PVT1: variants seen among roughly 807,000 people sequenced by gnomAD.
PVT1 encodes the protein CXCR4/PVT1 fusion.
At chr8:128,014,688 G>A (rs949246135) in intron 4 of PVT1, among the ~76,000 whole-genome samples, 3 of 152,214 alleles carry the variant, frequency 2.0e-5, no homozygotes, top group Admixed American at 6.5e-5. Flanking sequence ...AGCTTTGAGA[G>A]TGCTTAGTGA....
chr8:127,970,500 C>T (rs548582630), intron 3 of PVT1, among the ~76,000 whole-genome samples: 8 of 151,918 alleles, frequency 5.3e-5, no homozygotes, highest in South Asian at 4.2e-4. Context: ...AGGGTTTCAC[C>T]GTGTTAGCCA....
At chr8:127,964,102 G>A (rs1192413685) in intron 3 of PVT1, among the ~76,000 whole-genome samples, 1 of 152,206 alleles carries the variant, frequency 6.6e-6, no homozygotes, top group Non-Finnish European at 1.5e-5. Flanking sequence ...ACCCCCAGGA[G>A]CGTCCTTCCA....
chr8:128,040,936 G>A (rs111162833), intron 4 of PVT1, among the ~76,000 whole-genome samples: 4,124 of 150,910 alleles, frequency 0.027, 185 homozygotes, highest in African/African-American at 0.093. Flanking sequence ...GCTTGTATAT[G>A]TGTGTGTTTT....
chr8:127,918,696 G>A (rs558508632), intron 3 of PVT1, among the ~76,000 whole-genome samples: 4 of 152,188 alleles, frequency 2.6e-5, no homozygotes, highest in Non-Finnish European at 5.9e-5. Flanking sequence ...GCTTTGCAGA[G>A]AAAGCCCTAG....
At chr8:128,005,502 T>C (rs901804664) in intron 4 of PVT1, among the ~76,000 whole-genome samples, 1 of 152,220 alleles carries the variant, frequency 6.6e-6, no homozygotes, top group African/African-American at 2.4e-5. Flanking sequence ...TGCCCTAGTC[T>C]TGTCGTCTTT....
At chr8:127,986,521 G>A (rs903874629) in intron 3 of PVT1, among the ~76,000 whole-genome samples, 22 of 152,164 alleles carry the variant, frequency 1.4e-4, no homozygotes, top group Non-Finnish European at 3.1e-4. Flanking sequence ...AGGGTCTGGG[G>A]GCAGCCACCT....
chr8:127,941,192 T>C (rs147001902), intron 3 of PVT1, among the ~76,000 whole-genome samples: 1 of 152,360 alleles, frequency 6.6e-6, no homozygotes, highest in East Asian at 1.9e-4. Context: ...TTTAAATCTT[T>C]TCTCCCTCTT....
chr8:127,949,199 T>G (rs1816463752), intron 3 of PVT1, among the ~76,000 whole-genome samples: 1 of 152,074 alleles, frequency 6.6e-6, no homozygotes, highest in Non-Finnish European at 1.5e-5. Flanking sequence ...AACTTCGTAG[T>G]TGTACTCTGG....
chr8:128,071,241 T>G (rs1437690668), intron 5 of PVT1, among the ~76,000 whole-genome samples: 1 of 152,214 alleles, frequency 6.6e-6, no homozygotes, highest in Non-Finnish European at 1.5e-5. Flanking sequence ...GTTCCTGCCC[T>G]GCACCATGAT....
chr8:127,935,278 C>T (rs895803602), intron 3 of PVT1, among the ~76,000 whole-genome samples: 3 of 152,092 alleles, frequency 2.0e-5, no homozygotes, highest in African/African-American at 7.3e-5. Flanking sequence ...CCAGCCAGTT[C>T]TCTTCTTTTT....
At chr8:127,955,726 G>A (rs1261621217) in intron 3 of PVT1, among the ~76,000 whole-genome samples, 1 of 152,038 alleles carries the variant, frequency 6.6e-6, no homozygotes, top group African/African-American at 2.4e-5. Flanking sequence ...GGGATTACAG[G>A]CACGTTCCAC....
intron 4 of PVT1, among the ~76,000 whole-genome samples, chr8:128,028,866 A>G (rs1487761089): frequency 6.6e-6 from 1 of 152,068 alleles, no homozygotes; most frequent in Non-Finnish European, 1.5e-5. Context: ...TTTTGGGGAC[A>G]GGGTCTTGCT....
chr8:127,990,582 T>C (rs898271100), intron 4 of PVT1, among the ~76,000 whole-genome samples: 8 of 151,668 alleles, frequency 5.3e-5, no homozygotes, highest in Non-Finnish European at 1.0e-4. Flanking sequence ...TATGCAAGGG[T>C]GGAAAGGTGG....
At chr8:128,022,952 C>T (rs1454861949) in intron 4 of PVT1, among the ~76,000 whole-genome samples, 1 of 151,536 alleles carries the variant, frequency 6.6e-6, no homozygotes, top group Non-Finnish European at 1.5e-5. Flanking sequence ...CTGCAAACTC[C>T]ACCTCCTGGG....
At chr8:128,095,634 C>G (rs947240814) in intron 5 of PVT1, among the ~76,000 whole-genome samples, 1 of 152,200 alleles carries the variant, frequency 6.6e-6, no homozygotes, top group African/African-American at 2.4e-5. Context: ...GGAGTGGAAT[C>G]GTGAGACAGA....
chr8:127,919,959 G>A (rs547199012), intron 3 of PVT1, among the ~76,000 whole-genome samples: 17 of 152,246 alleles, frequency 1.1e-4, no homozygotes, highest in African/African-American at 3.1e-4. Flanking sequence ...ATCTATAGGC[G>A]GAGTTAAATC....
intron 2 of PVT1, among the ~76,000 whole-genome samples, chr8:127,849,346 C>A (rs1293032226): frequency 6.6e-6 from 1 of 152,052 alleles, no homozygotes. Context: ...GGGTGAAAAA[C>A]AGCTCTGGGG....
intron 4 of PVT1, among the ~76,000 whole-genome samples, chr8:128,041,239 TGTTTGTG>T (rs1563673129): frequency 4.6e-4 from 12 of 26,328 alleles, no homozygotes; most frequent in Non-Finnish European, 1.1e-3. Flanking sequence ...GTGTGTGTGT[TGTTTGTG>T]TGTGTGTTTG....
intron 3 of PVT1, among the ~76,000 whole-genome samples, chr8:127,944,609 A>C (rs1816397545): frequency 6.7e-6 from 1 of 150,362 alleles, no homozygotes; most frequent in South Asian, 2.1e-4. Context: ...TCAGGCATTC[A>C]GGGGAAGGAG....
Sources: gnomAD v4.1 joint callset for allele counts (sites outside exome capture counted in the v4.1 genomes callset) on GRCh38, gnomAD v4.1.1 for gene constraint, MANE v1.5 for transcripts, NCBI Gene and HGNC (gene_info 2026-07-23, HGNC 2026-07-21) for gene names.